The following PRDM11 variants were observed in gnomAD, a reference collection of about 807,000 sequenced individuals.
PRDM11 encodes the protein PR/SET domain 11, also known as PR domain-containing protein 11.
Under a neutral mutation model 97.8 loss-of-function variants are expected in PRDM11, and 20 were observed. That is an observed-to-expected ratio of 0.20 (90% CI 0.14 to 0.30). PRDM11 has a LOEUF of 0.30. Among genes scored for constraint, PRDM11 ranks in the 10% least tolerant of loss-of-function variants. PRDM11 has a pLI of 1.00. For synonymous variants in PRDM11, 599 were observed against 637.7 expected (o/e 0.94, Z 0.91); for missense variants, 1,139 against 1,555.2 (o/e 0.73, Z 4.50).
chr11:45,103,584 T>C (rs955859442), intron 1 of PRDM11, among the ~76,000 whole-genome samples: 21 of 151,954 alleles, frequency 1.4e-4, no homozygotes, highest in Admixed American at 1.1e-3. Context: ...GGCAGGGTAT[T>C]GACCAAGAGG....
chr11:45,107,533 G>A (rs1444426584), intron 1 of PRDM11, among the ~76,000 whole-genome samples: 1 of 152,146 alleles, frequency 6.6e-6, no homozygotes. Context: ...GCAGAACAGA[G>A]GGTGGATGGG....
In PRDM11 at chr11:45,137,164, A is replaced by AAAAC. The variant is rs374207641; in HGVS notation, c.96+41285_96+41288dup. Among the ~76,000 whole-genome samples, 1,002 of 148,242 alleles carry AAAAC rather than the reference A, an allele frequency of 6.8e-3. 6 individuals carry two copies. The highest frequency in any genetic ancestry group is 0.019 in the African/African-American group (768 of 39,720). ...GGCGAGGGAGTGAGACTCTGTCTCA[A>AAAAC]AAACAAACAAACAAACAAACAAACA... is the stretch of plus-strand genomic sequence containing the variant. On this transcript the variant is annotated intron_variant, in intron 1 of 6. Coordinates refer to the PRDM11 transcript ENST00000530656.
chr11:45,227,337 G>C lies in PRDM11; in HGVS notation c.2712G>C (p.Leu904=). Residue 904 remains leucine (L), a synonymous_variant, in exon 8 of 8, where the codon CTG becomes CTC. Coordinates refer to ENST00000683152, the MANE Select transcript of PRDM11 (RefSeq NM_001384648.1). The surrounding 1 kb of genome is among the most constrained non-coding windows in gnomAD (Gnocchi z 8.0). ...LAYIFQGEYL[L]VSQVDDKIEE... ...ACATCTTCCAGGGCGAGTACCTGCT[G>C]GTGTCCCAGGTGGATGACAAGATCG... 2 of 1,533,972 alleles carry C rather than the reference G, an allele frequency of 1.3e-6. No homozygotes were observed. The highest frequency in any genetic ancestry group is 1.7e-6 in the Non-Finnish European group (2 of 1,146,748).
At chr11:45,225,736 G>A (rs1478766070) in intron 7 of PRDM11, among the ~76,000 whole-genome samples, 3 of 152,176 alleles carry the variant, frequency 2.0e-5, no homozygotes, top group Admixed American at 6.5e-5. Flanking sequence ...ACCCACACAT[G>A]GAGGGCAAGG....
Position 45,228,063 on chromosome 11 carries a change from G to A in PRDM11, c.3438G>A (p.Ala1146=), listed in dbSNP as rs752954658. ...WFEEKSGNSY[A]LSAEVLSRMS... ...AGGAGAAGTCTGGGAACAGTTACGC[G>A]CTGTCTGCAGAAGTCCTCAGTAGGA... The change falls in exon 8 of 8, where the codon GCG becomes GCA. Residue 1146 remains alanine, a synonymous_variant. Transcript: ENST00000683152. 51 of 1,533,744 alleles carry A rather than the reference G, an allele frequency of 3.3e-5. No homozygotes were observed. The African/African-American group carries it at 5.9e-4, about 18-fold the overall frequency.
At chr11:45,100,477 A>G (rs1851953439) in intron 1 of PRDM11, among the ~76,000 whole-genome samples, 1 of 152,192 alleles carries the variant, frequency 6.6e-6, no homozygotes, top group African/African-American at 2.4e-5. Context: ...GGCAGCCCTG[A>G]ACTCCCAGTC....
intron 1 of PRDM11, among the ~76,000 whole-genome samples, chr11:45,141,165 T>C (rs1365231904): frequency 3.3e-5 from 5 of 152,208 alleles, no homozygotes; most frequent in South Asian, 2.1e-4. Flanking sequence ...GAAATTTTGG[T>C]GAATAACTGC....
At position 45,103,640 on chromosome 11, in the gene PRDM11, A is replaced by T. The variant is rs146716699; in HGVS notation, c.96+7739A>T. Among the ~76,000 whole-genome samples, 939 of 151,722 alleles carry T rather than the reference A, an allele frequency of 6.2e-3. 8 individuals carry two copies. Among genetic ancestry groups the T allele is most frequent in the Non-Finnish European group, 8.0e-3 (542 of 67,954 alleles). On this transcript the variant is annotated intron_variant, in intron 1 of 6. Transcript: ENST00000530656. ...GGGTGTCAGAAATACTTCTGTCTTG[A>T]TGGTCACACGGTTTTAAAAAGTCAT...
intron 1 of PRDM11, among the ~76,000 whole-genome samples, chr11:45,156,487 G>T (rs940248909): frequency 6.6e-5 from 10 of 152,228 alleles, no homozygotes; most frequent in African/African-American, 2.4e-4. Context: ...GCAGACCTCT[G>T]CCCATCCTGA....
At chr11:45,095,506 C>G (rs917972060), upstream of PRDM11, among the ~76,000 whole-genome samples, 1 of 152,198 alleles carries the variant, frequency 6.6e-6, no homozygotes, top group African/African-American at 2.4e-5. Context: ...GCACAGATGG[C>G]CAGCCGTCTC....
chr11:45,178,783 G>A (rs1428020045), intron 1 of PRDM11, among the ~76,000 whole-genome samples: 1 of 152,234 alleles, frequency 6.6e-6, no homozygotes, highest in Non-Finnish European at 1.5e-5. Context: ...CCCTCAGAGT[G>A]AAAGCCTCCT....
At chr11:45,170,955 C>A (rs1852188572) in intron 1 of PRDM11, among the ~76,000 whole-genome samples, 1 of 152,188 alleles carries the variant, frequency 6.6e-6, no homozygotes, top group African/African-American at 2.4e-5. Flanking sequence ...ACCCCATCCC[C>A]CTCCATGGGT....
intron 1 of PRDM11, among the ~76,000 whole-genome samples, chr11:45,134,701 GAAAAAAAAAAAAA>G (rs1191008824): frequency 9.0e-5 from 4 of 44,262 alleles, no homozygotes; most frequent in Non-Finnish European, 1.4e-4. Context: ...CCTGTCTCAC[GAAAAAAAAAAAAA>G]AAAAAAAAAA....
intron 5 of PRDM11, among the ~76,000 whole-genome samples, chr11:45,215,250 AG>A (rs1383511699): frequency 6.6e-6 from 1 of 152,170 alleles, no homozygotes; most frequent in Non-Finnish European, 1.5e-5. Flanking sequence ...CTCTGCCAAG[AG>A]GAAGCCTCCT....
At chr11:45,203,060 T>A (rs1036499487) in intron 4 of PRDM11, among the ~76,000 whole-genome samples, 1 of 152,134 alleles carries the variant, frequency 6.6e-6, no homozygotes, top group African/African-American at 2.4e-5. Context: ...CGGGACATGA[T>A]CTGATTTACA....
At chr11:45,139,746 T>C (rs1852958664) in intron 1 of PRDM11, among the ~76,000 whole-genome samples, 1 of 152,154 alleles carries the variant, frequency 6.6e-6, no homozygotes. Flanking sequence ...CTAACCTAAA[T>C]ATCCATTCGT....
intron 4 of PRDM11, among the ~76,000 whole-genome samples, chr11:45,202,444 GCTT>G (rs1853363209): frequency 6.6e-6 from 1 of 152,214 alleles, no homozygotes; most frequent in Non-Finnish European, 1.5e-5. Flanking sequence ...GCTAGGAGAG[GCTT>G]CTTCTGTCAA....
At chr11:45,120,711 G>A (rs1852410495) in intron 1 of PRDM11, among the ~76,000 whole-genome samples, 1 of 151,790 alleles carries the variant, frequency 6.6e-6, no homozygotes, top group South Asian at 2.1e-4. Context: ...CATGGTGAAG[G>A]AAAATGAGCC....
In PRDM11 at chr11:45,229,654, T is replaced by TA. The variant is rs1854360549; in HGVS notation, c.*1501dup. 1 of 152,222 alleles carries TA rather than the reference T, an allele frequency of 6.6e-6. No homozygotes were observed. The highest frequency in any genetic ancestry group is 2.1e-4 in the South Asian group (1 of 4,826). 9.4% of individuals were successfully genotyped at this position (152,222 alleles called of 1,614,324 possible). A position where few individuals can be genotyped will look rare whatever the true frequency, so the allele number is the denominator to read the frequency against. ...ACCGGTATACCTCGCAAGGGAGTTT[T>TA]AAAAAATGTGCGTGAGCTGTTAAAA... is the stretch of plus-strand genomic sequence containing the variant. On this transcript the variant is annotated 3_prime_UTR_variant, in exon 8 of 8. Coordinates refer to ENST00000683152, the MANE Select transcript of PRDM11 (RefSeq NM_001384648.1).
Sources: allele counts gnomAD v4.1 joint callset (sites outside exome capture counted in the v4.1 genomes callset), GRCh38; gene constraint gnomAD v4.1.1; non-coding constraint Gnocchi (gnomAD v3.1); transcripts MANE v1.5; gene names NCBI Gene and HGNC (gene_info 2026-07-23, HGNC 2026-07-21).